The following GAB1 variants were observed in gnomAD, a reference collection of about 807,000 sequenced individuals.
GAB1 encodes GRB2-associated-binding protein 1.
GAB1 carries 19 observed loss-of-function variants against 66.5 expected under a neutral mutation model. The observed-to-expected ratio is 0.29, with a 90% confidence interval of 0.20 to 0.42. GAB1 has a LOEUF of 0.42. Among genes scored for constraint, GAB1 ranks in the 10% least tolerant of loss-of-function variants. GAB1 has a pLI of 1.00. For missense variants in GAB1, 732 were observed against 858.5 expected (o/e 0.85, Z 1.84); for synonymous variants, 294 against 301.4 (o/e 0.98, Z 0.25).
chr4:143,438,649 C>A (rs917184735), intron 4 of GAB1, 49 bp downstream of exon 4: 2 of 1,549,838 alleles, frequency 1.3e-6, no homozygotes, highest in South Asian at 2.5e-5. Context: ...GATAGAAAAT[C>A]GATTTTTCTG....
intron 1 of GAB1, among the ~76,000 whole-genome samples, chr4:143,400,654 T>C (rs1244561804): frequency 6.6e-6 from 1 of 152,170 alleles, no homozygotes; most frequent in Non-Finnish European, 1.5e-5. Flanking sequence ...AACCTGGGGT[T>C]ACAGAATCTT....
At chr4:143,426,611 A>AT (rs1733371233) in intron 2 of GAB1, among the ~76,000 whole-genome samples, 1 of 152,044 alleles carries the variant, frequency 6.6e-6, no homozygotes, top group African/African-American at 2.4e-5. Context: ...TGAATGAAAC[A>AT]TTTTTTCAGC....
At chr4:143,362,371 C>G (rs761788274) in intron 1 of GAB1, among the ~76,000 whole-genome samples, 1 of 151,984 alleles carries the variant, frequency 6.6e-6, no homozygotes, top group Non-Finnish European at 1.5e-5. Context: ...GAATTCGAGA[C>G]AAATCTGTGG....
intron 6 of GAB1, among the ~76,000 whole-genome samples, chr4:143,454,122 A>G (rs1016247644): frequency 6.6e-6 from 1 of 152,226 alleles, no homozygotes; most frequent in African/African-American, 2.4e-5. Flanking sequence ...AGAGAACAGA[A>G]TGGTCTAGCC....
At chr4:143,348,689 G>T (rs141705884) in intron 1 of GAB1, among the ~76,000 whole-genome samples, 46 of 152,326 alleles carry the variant, frequency 3.0e-4, no homozygotes, top group African/African-American at 1.0e-3. Context: ...GCTCGAAGCT[G>T]TTCTGCCGCG....
chr4:143,351,554 G>A (rs1042103484), intron 1 of GAB1, among the ~76,000 whole-genome samples: 1 of 152,188 alleles, frequency 6.6e-6, no homozygotes, highest in Non-Finnish European at 1.5e-5. Context: ...TCTTGGAAAG[G>A]TGACCTTTCG....
intron 1 of GAB1, among the ~76,000 whole-genome samples, chr4:143,354,250 G>A (rs756926563): frequency 1.3e-5 from 2 of 151,942 alleles, no homozygotes; most frequent in Non-Finnish European, 2.9e-5. Context: ...ATATCTTGGT[G>A]TATCTCCTTT....
chr4:143,391,139 A>G (rs11100787), intron 1 of GAB1, among the ~76,000 whole-genome samples: 67,564 of 151,978 alleles, frequency 0.44, 15,540 homozygotes, highest in South Asian at 0.56. Flanking sequence ...TCTGCCCCAC[A>G]GTGCTTAATA....
intron 6 of GAB1, among the ~76,000 whole-genome samples, chr4:143,448,305 T>A (rs1734684505): frequency 6.6e-6 from 1 of 151,970 alleles, no homozygotes; most frequent in South Asian, 2.1e-4. Flanking sequence ...GCTGGCCTTA[T>A]AAAATGAGTT....
At chr4:143,431,348 A>AAATGGATTAAGGT (rs1399354027) in intron 2 of GAB1, among the ~76,000 whole-genome samples, 1 of 152,190 alleles carries the variant, frequency 6.6e-6, no homozygotes, top group Non-Finnish European at 1.5e-5. Context: ...AAGGGTGGCA[A>AAATGGATTAAGGT]GGCAAAATGG....
intron 1 of GAB1, among the ~76,000 whole-genome samples, chr4:143,382,478 A>G (rs1380224038): frequency 1.3e-5 from 2 of 152,204 alleles, no homozygotes; most frequent in Non-Finnish European, 2.9e-5. Context: ...GGACTTGGGG[A>G]AACTATGCTT....
intron 6 of GAB1, among the ~76,000 whole-genome samples, chr4:143,451,773 C>T (rs1734941448): frequency 6.6e-6 from 1 of 152,046 alleles, no homozygotes; most frequent in Admixed American, 6.6e-5. Flanking sequence ...GCTCCCTCAA[C>T]TTGGGGAACT....
intron 1 of GAB1, 72 bp downstream of exon 1, chr4:143,337,332 C>T: frequency 7.6e-7 from 1 of 1,316,068 alleles, no homozygotes; most frequent in Non-Finnish European, 1.1e-6. Flanking sequence ...TCGCCGGCGG[C>T]TGCAGCTGGC....
chr4:143,432,176 G>A (rs1018376488), intron 2 of GAB1, among the ~76,000 whole-genome samples: 70 of 152,222 alleles, frequency 4.6e-4, no homozygotes, highest in Non-Finnish European at 6.8e-4. Flanking sequence ...TGTCTAACTC[G>A]AAAAAAGAAG....
At position 143,438,442 on chromosome 4, in the gene GAB1, C is replaced by T; in HGVS notation, c.1037C>T (p.Pro346Leu). 1.9e-6 allele frequency: 3 copies of T among 1,614,064 alleles called. No homozygotes were observed. Among genetic ancestry groups the T allele is most frequent in the Non-Finnish European group, 1.7e-6 (2 of 1,180,010 alleles). The change falls in exon 4 of 10, where the codon CCG becomes CTG. Residue 346 changes from proline to leucine, a missense_variant. Around this residue, in one of 4 missense-constraint regions of GAB1, gnomAD observed 427 missense variants for 420.6 expected, o/e 1.02. Coordinates refer to ENST00000262994, the MANE Select transcript of GAB1 (RefSeq NM_002039.4). ...CCAGATATTCCTCCACCTCGGCCAC[C>T]GAAACCACATCCAGCTCATGACCGA... ...TIPDIPPPRP[P>L]KPHPAHDRSP...
chr4:143,416,829 A>G (rs560411017), intron 2 of GAB1, among the ~76,000 whole-genome samples: 99 of 152,340 alleles, frequency 6.5e-4, no homozygotes, highest in African/African-American at 2.3e-3. Flanking sequence ...TTGGAACGCT[A>G]AGCATGTGGG....
At chr4:143,407,758 G>C (rs1451827363) in intron 1 of GAB1, among the ~76,000 whole-genome samples, 2 of 152,140 alleles carry the variant, frequency 1.3e-5, no homozygotes, top group Non-Finnish European at 1.5e-5. Context: ...TATGAGAAAA[G>C]ATGGTGCTTC....
intron 1 of GAB1, among the ~76,000 whole-genome samples, chr4:143,413,851 G>GTTTTTTTTTTT (rs1732532204): frequency 1.2e-5 from 1 of 86,330 alleles, no homozygotes; most frequent in African/African-American, 1.0e-4. Context: ...TTTTTTTTGA[G>GTTTTTTTTTTT]GAGGAGTCTT....
chr4:143,453,951 A>T (rs1019557664), intron 6 of GAB1, among the ~76,000 whole-genome samples: 1 of 152,232 alleles, frequency 6.6e-6, no homozygotes, highest in Non-Finnish European at 1.5e-5. Context: ...ATAAATGTTC[A>T]TGATTAAGTG....
Sources: gnomAD v4.1 joint callset for allele counts (sites outside exome capture counted in the v4.1 genomes callset) on GRCh38, gnomAD v4.1.1 for gene constraint, gnomAD v4.1.1 regional missense constraint, MANE v1.5 for transcripts, NCBI Gene and HGNC (gene_info 2026-07-23, HGNC 2026-07-21) for gene names.